TMEM43: variants seen among roughly 807,000 people sequenced by gnomAD.
TMEM43 encodes transmembrane protein 43, also known as arrhythmogenic right ventricular dysplasia 5.
Under a neutral mutation model 49.6 loss-of-function variants are expected in TMEM43, and 45 were observed. The ratio of observed to expected loss-of-function variants is 0.91; its 90% CI spans 0.71 to 1.16. TMEM43 has a LOEUF of 1.16. Among genes scored for constraint, TMEM43 ranks in the 50% most tolerant of loss-of-function variants. The probability of loss-of-function intolerance (pLI) is 0.00; values close to 1 mark genes in which losing one functional copy is unlikely to be tolerated. For missense variants in TMEM43, 532 were observed against 516.6 expected (o/e 1.03, Z -0.29); for synonymous variants, 199 against 207.8 (o/e 0.96, Z 0.36).
At chr3:14,135,733 G>C (rs2124991855) in intron 9 of TMEM43, 74 bp from the exon 10 acceptor site, 1 of 1,313,978 alleles carries the variant, frequency 7.6e-7, no homozygotes, top group East Asian at 2.3e-5. Context: ...AGTCCCGGGA[G>C]GGTGGGCCAT....
rs773252383 is a variant in TMEM43 at position 14,129,441 on chromosome 3, T to C, written c.42T>C (p.His14=). 7 of 1,613,816 alleles carry C rather than the reference T, an allele frequency of 4.3e-6. No homozygotes were observed. Among genetic ancestry groups the C allele is most frequent in the South Asian group, 1.1e-5 (1 of 91,058 alleles). ...NYSSTSTRRE[H]VKVKTSSQPG... Reference sequence around the variant, plus strand: ...CCAGTACCAGTACCCGGAGAGAACATGTCAAAGTTAAAACCAGCTCCCAGC... The same window carrying C: ...CCAGTACCAGTACCCGGAGAGAACACGTCAAAGTTAAAACCAGCTCCCAGC... Residue 14 remains histidine, a synonymous_variant, in exon 2 of 12, where the codon CAT becomes CAC. Transcript: ENST00000306077.
At chr3:14,128,140 C>T (rs1239443124) in intron 1 of TMEM43, among the ~76,000 whole-genome samples, 6 of 152,206 alleles carry the variant, frequency 3.9e-5, no homozygotes, top group Non-Finnish European at 8.8e-5. Flanking sequence ...GCCCAAGACC[C>T]CGTAGCTGGT....
At chr3:14,136,928 G>T (rs1695177881) in intron 10 of TMEM43, among the ~76,000 whole-genome samples, 1 of 149,386 alleles carries the variant, frequency 6.7e-6, no homozygotes, top group African/African-American at 2.5e-5. Flanking sequence ...CTCTGCAGCA[G>T]AAGAATTGAG....
intron 10 of TMEM43, among the ~76,000 whole-genome samples, chr3:14,138,570 CAAG>C (rs1310012170): frequency 2.6e-5 from 4 of 152,066 alleles, no homozygotes; most frequent in Admixed American, 6.5e-5. Flanking sequence ...GTGGAAATGT[CAAG>C]GAGGTGGTGG....
chr3:14,141,736 CT>C lies in TMEM43; in HGVS notation c.1145del (p.Leu382ArgfsTer33). On this transcript the variant is annotated frameshift_variant, in exon 12 of 12. Transcript: ENST00000306077. LOFTEE classifies it high-confidence loss of function. ...CCTGTGGGCCCTCCTCATTGCCGGC[CT>C]GGCCCTTGTGCCCATCCTTGTTGCT... Reference protein sequence around the residue: ...RPLWALLIAGLALVPILVART... With the variant: ...RPLWALLIAGXALVPILVART... 6.2e-7 allele frequency: 1 copy of C among 1,614,202 alleles called. No individual in the cohort carries two copies. Among genetic ancestry groups the C allele is most frequent in the Non-Finnish European group, 8.5e-7 (1 of 1,180,042 alleles).
chr3:14,125,958 C>T (rs1695014555), intron 1 of TMEM43, among the ~76,000 whole-genome samples: 1 of 152,146 alleles, frequency 6.6e-6, no homozygotes, highest in Non-Finnish European at 1.5e-5. Flanking sequence ...GCTGGTGACT[C>T]ACCTCTCCCC....
intron 1 of TMEM43, among the ~76,000 whole-genome samples, chr3:14,127,028 T>C (rs1449902464): frequency 6.6e-6 from 1 of 152,172 alleles, no homozygotes; most frequent in East Asian, 1.9e-4. Context: ...TTCCAGGGCC[T>C]ATGTGTCAGC....
At chr3:14,131,073 G>A in intron 3 of TMEM43, 117 bp downstream of exon 3, 1 of 1,318,014 alleles carries the variant, frequency 7.6e-7, no homozygotes, top group Non-Finnish European at 1.0e-6. Context: ...AGTGATTCCC[G>A]ACTTTACCAC....
At chr3:14,134,350 C>T (rs1178009153) in intron 7 of TMEM43, among the ~76,000 whole-genome samples, 1 of 152,208 alleles carries the variant, frequency 6.6e-6, no homozygotes, top group Non-Finnish European at 1.5e-5. Flanking sequence ...ACCAAGGGCC[C>T]AGATAGTCCT....
intron 4 of TMEM43, 27 bp downstream of exon 4, chr3:14,131,701 T>A: frequency 6.4e-7 from 1 of 1,559,640 alleles, no homozygotes; most frequent in Non-Finnish European, 8.8e-7. Context: ...AAAACTCTGT[T>A]GGGGTAAAGG....
chr3:14,135,705 C>A, intron 9 of TMEM43, 102 bp from the exon 10 acceptor site: 1 of 949,704 alleles, frequency 1.1e-6, no homozygotes, highest in Non-Finnish European at 1.7e-6. Context: ...TCTGTGCTCA[C>A]TTCCCCAGCC....
At chr3:14,135,286 GACAC>G in intron 9 of TMEM43, 54 bp downstream of exon 9, 3 of 1,454,990 alleles carry the variant, frequency 2.1e-6, no homozygotes, top group Non-Finnish European at 2.9e-6. Flanking sequence ...GACTTTCCTG[GACAC>G]AGACACCTTG....
chr3:14,127,616 T>G (rs1040543210), intron 1 of TMEM43, among the ~76,000 whole-genome samples: 1 of 152,196 alleles, frequency 6.6e-6, no homozygotes, highest in Admixed American at 6.5e-5. Context: ...GGGGTCGTTA[T>G]GACATCCCGC....
intron 6 of TMEM43, 66 bp from the exon 7 acceptor site, chr3:14,133,660 GCCCAGCACAAACA>G: frequency 7.2e-7 from 1 of 1,379,336 alleles, no homozygotes; most frequent in Non-Finnish European, 1.0e-6. Flanking sequence ...TGGGGACCCT[GCCCAGCACAAACA>G]ACCCAAAGGG....
intron 10 of TMEM43, among the ~76,000 whole-genome samples, chr3:14,136,300 G>A (rs1391432159): frequency 6.6e-6 from 1 of 152,156 alleles, no homozygotes; most frequent in African/African-American, 2.4e-5. Flanking sequence ...TTGGATTTTG[G>A]AGCACTTCAG....
rs753024549 is a variant in TMEM43, at chr3:14,134,791, AC to A, written c.606del (p.Phe203SerfsTer4). 3 of 1,614,008 alleles carry A rather than the reference AC, an allele frequency of 1.9e-6. No individual in the cohort carries two copies. Among genetic ancestry groups the A allele is most frequent in the Admixed American group, 3.3e-5 (2 of 60,002 alleles). ...TCAGGCCTCATCGACAAAGTCGACA[AC>A]TTCAAGTCCCTGAGCCTATCCAAGC... Reference protein sequence around the residue: ...LSSGLIDKVDNFKSLSLSKLE... With the variant: ...LSSGLIDKVDXFKSLSLSKLE... On this transcript the variant is annotated frameshift_variant, in exon 8 of 12. Coordinates refer to ENST00000306077, the MANE Select transcript of TMEM43 (RefSeq NM_024334.3). LOFTEE classifies it high-confidence loss of function.
chr3:14,129,801 G>A (rs1469120014), intron 2 of TMEM43, among the ~76,000 whole-genome samples: 1 of 152,174 alleles, frequency 6.6e-6, no homozygotes, highest in South Asian at 2.1e-4. Flanking sequence ...TGCCTCAGGC[G>A]TAGTTGGATC....
rs781293688 is a variant in TMEM43, at chr3:14,134,742, G to A, written c.584-28G>A. On this transcript the variant is annotated intron_variant, in intron 7 of 11. Transcript: ENST00000306077. ...GATTGAGGTTTTCACCTGGTCCCCT[G>A]GGTTTCTAACCACTCTGGTCCCCTC... 4 of 1,613,932 alleles carry A rather than the reference G, an allele frequency of 2.5e-6. No homozygotes were observed. In the Admixed American group the frequency reaches 6.7e-5, roughly 27 times the overall value.
chr3:14,130,499 TAA>T (rs903396272), intron 2 of TMEM43, among the ~76,000 whole-genome samples: 1 of 151,210 alleles, frequency 6.6e-6, no homozygotes, highest in Non-Finnish European at 1.5e-5. Flanking sequence ...AAAATAAAAT[TAA>T]AAAAAAGAAG....
Sources: gnomAD v4.1 joint callset for allele counts (sites outside exome capture counted in the v4.1 genomes callset) on GRCh38, gnomAD v4.1.1 for gene constraint, MANE v1.5 for transcripts, NCBI Gene and HGNC (gene_info 2026-07-23, HGNC 2026-07-21) for gene names.